The following GPHN variants were observed in gnomAD, a reference collection of about 807,000 sequenced individuals.
GPHN encodes the protein gephyrin.
Under a neutral mutation model 95.5 loss-of-function variants are expected in GPHN, and 17 were observed. The ratio of observed to expected loss-of-function variants is 0.18; its 90% confidence interval spans 0.12 to 0.27. The LOEUF is 0.27. Among genes scored for constraint, GPHN ranks in the 10% least tolerant of loss-of-function variants. The pLI, the probability that GPHN is intolerant of heterozygous loss-of-function variation, is 1.00. For missense variants in GPHN, 660 were observed against 978.1 expected (o/e 0.67, Z 4.34); for synonymous variants, 320 against 322.5 (o/e 0.99, Z 0.08).
At chr14:66,906,016 C>G (rs980387386) in intron 5 of GPHN, among the ~76,000 whole-genome samples, 3 of 147,606 alleles carry the variant, frequency 2.0e-5, no homozygotes, top group African/African-American at 7.5e-5. Flanking sequence ...TTTACCACTT[C>G]CCCATTTTCA....
At chr14:67,709,076 C>G in the GPHN span, among the ~76,000 whole-genome samples, 1 of 152,152 alleles carries the variant, frequency 6.6e-6, no homozygotes, top group Non-Finnish European at 1.5e-5. Context: ...CAGGTGTGAG[C>G]CACTGTGCCA....
chr14:67,152,745 T>C (rs1472584574), intron 18 of GPHN, among the ~76,000 whole-genome samples: 1 of 152,080 alleles, frequency 6.6e-6, no homozygotes, highest in African/African-American at 2.4e-5. Context: ...GGCGGGCAGA[T>C]CACGAGGTCA....
chr14:66,916,266 T>G (rs1317248744), intron 6 of GPHN, among the ~76,000 whole-genome samples, 197 bp downstream of exon 6: 1 of 152,040 alleles, frequency 6.6e-6, no homozygotes. Context: ...ACACTTACAG[T>G]TATGGTTTAT....
chr14:67,651,658 T>TCTAC, the GPHN span: 1 of 518,396 alleles, frequency 1.9e-6, no homozygotes, highest in East Asian at 3.6e-5. Context: ...GATAACACTG[T>TCTAC]CTACCTCACA....
intron 2 of GPHN, among the ~76,000 whole-genome samples, chr14:66,693,087 C>G (rs949456191): frequency 4.6e-5 from 7 of 151,666 alleles, no homozygotes; most frequent in African/African-American, 1.7e-4. Flanking sequence ...TGAAAAATAG[C>G]TGTATATTTC....
chr14:66,673,156 G>A (rs772222687), intron 1 of GPHN, among the ~76,000 whole-genome samples: 7 of 152,100 alleles, frequency 4.6e-5, no homozygotes, highest in South Asian at 2.1e-4. Flanking sequence ...ACAGTGGCGC[G>A]ATCTCTGCTC....
intron 11 of GPHN, among the ~76,000 whole-genome samples, chr14:67,065,647 C>T (rs1354188648): frequency 6.6e-6 from 1 of 152,014 alleles, no homozygotes; most frequent in Non-Finnish European, 1.5e-5. Flanking sequence ...GAATAGTTAG[C>T]TCTTCCTGCT....
chr14:66,536,585 GTCTC>G (rs1011143731), intron 1 of GPHN, among the ~76,000 whole-genome samples: 2 of 152,036 alleles, frequency 1.3e-5, no homozygotes, highest in African/African-American at 4.8e-5. Context: ...GAATTGGGAA[GTCTC>G]TCTCTGTTTT....
At chr14:66,690,531 G>A (rs936224449) in intron 2 of GPHN, among the ~76,000 whole-genome samples, 3 of 152,130 alleles carry the variant, frequency 2.0e-5, no homozygotes, top group Non-Finnish European at 4.4e-5. Flanking sequence ...TTCTCTAAAG[G>A]TTTGTTAGGT....
chr14:67,469,955 A>G, the GPHN span, among the ~76,000 whole-genome samples: 1 of 152,184 alleles, frequency 6.6e-6, no homozygotes, highest in East Asian at 1.9e-4. Flanking sequence ...AACTGCAGCC[A>G]ACCTGCAGTC....
the GPHN span, among the ~76,000 whole-genome samples, chr14:67,543,855 T>A: frequency 1.3e-5 from 2 of 151,982 alleles, no homozygotes; most frequent in African/African-American, 4.8e-5. Context: ...AATGCAGAGC[T>A]GAGCACAGAA....
chr14:67,352,419 C>T, the GPHN span, among the ~76,000 whole-genome samples: 1 of 148,546 alleles, frequency 6.7e-6, no homozygotes. Flanking sequence ...AGAGTAAGAC[C>T]TTGCCTCAAA....
the GPHN span, among the ~76,000 whole-genome samples, chr14:67,236,420 T>A: frequency 7.6e-3 from 1,164 of 152,326 alleles, 14 homozygotes; most frequent in African/African-American, 0.025. Flanking sequence ...TTCACCATGC[T>A]TTTCCTTGTA....
At chr14:67,007,901 A>G (rs1016004279) in intron 9 of GPHN, among the ~76,000 whole-genome samples, 2 of 152,192 alleles carry the variant, frequency 1.3e-5, no homozygotes, top group East Asian at 1.9e-4. Context: ...AAAAGGGAGG[A>G]AGGAAACTAG....
the GPHN span, among the ~76,000 whole-genome samples, chr14:67,209,854 A>C: frequency 1.6e-3 from 238 of 151,900 alleles, no homozygotes; most frequent in African/African-American, 5.4e-3. Flanking sequence ...GAAAAAGTAT[A>C]ATAGATTACC....
At chr14:67,113,799 T>G (rs1399878312) in intron 16 of GPHN, among the ~76,000 whole-genome samples, 2 of 152,182 alleles carry the variant, frequency 1.3e-5, no homozygotes, top group Non-Finnish European at 2.9e-5. Context: ...AAAAACTTCC[T>G]ATTGCTTGTT....
chr14:66,626,850 C>T (rs1302473781), intron 1 of GPHN, among the ~76,000 whole-genome samples: 1 of 152,010 alleles, frequency 6.6e-6, no homozygotes, highest in African/African-American at 2.4e-5. Context: ...GGAAAATCAA[C>T]AGCTGATAAT....
intron 1 of GPHN, among the ~76,000 whole-genome samples, chr14:66,655,564 T>C (rs2065257836): frequency 6.6e-6 from 1 of 152,248 alleles, no homozygotes; most frequent in South Asian, 2.1e-4. Context: ...TTTATCTCCT[T>C]CTTTCCAGTC....
chr14:66,526,395 G>T (rs977158365), intron 1 of GPHN, among the ~76,000 whole-genome samples: 16 of 152,144 alleles, frequency 1.1e-4, no homozygotes, highest in African/African-American at 3.9e-4. Flanking sequence ...AGACGATGGG[G>T]TTTTCTAAAT....
Sources: allele counts gnomAD v4.1 joint callset (sites outside exome capture counted in the v4.1 genomes callset), GRCh38; gene constraint gnomAD v4.1.1; transcripts MANE v1.5; gene names NCBI Gene and HGNC (gene_info 2026-07-23, HGNC 2026-07-21).